Variants in OTUD7A observed in about 807,000 individuals in gnomAD.
OTUD7A encodes OTU domain-containing protein 7A.
Under a neutral mutation model 65.7 loss-of-function variants are expected in OTUD7A, and 12 were observed. The observed-to-expected ratio is 0.18, with a 90% CI of 0.12 to 0.30. The LOEUF (loss-of-function observed/expected upper bound fraction) is 0.30. OTUD7A is among the 10% of genes least tolerant of loss of function. The pLI is 1.00. For missense variants in OTUD7A, 1,148 were observed against 1,304.8 expected (o/e 0.88, Z 1.85); for synonymous variants, 641 against 586.3 (o/e 1.09, Z -1.35).
chr15:31,552,898 T>A (rs1888370516), intron 5 of OTUD7A, among the ~76,000 whole-genome samples: 2 of 152,134 alleles, frequency 1.3e-5, no homozygotes, highest in Non-Finnish European at 1.5e-5. Flanking sequence ...CAAGGAATGG[T>A]CCCAGGTAGC....
chr15:31,805,301 G>A (rs1896239914), intron 1 of OTUD7A, among the ~76,000 whole-genome samples: 1 of 152,226 alleles, frequency 6.6e-6, no homozygotes, highest in African/African-American at 2.4e-5. Flanking sequence ...TAGAGAGCTG[G>A]ACAATTTGGC....
At position 31,654,989 on chromosome 15, in the gene OTUD7A, G is replaced by C; in HGVS notation, c.151+107C>G. ...TCGGTAAGATGTAACACAAAGCAAA[G>C]CCCACTTAGTGCTCAAGTACCACTG... is the stretch of plus-strand genomic sequence containing the variant. On this transcript the variant is annotated intron_variant, in intron 3 of 12. Transcript: ENST00000307050. The C allele has an allele frequency of 2.9e-6, 4 of 1,356,334 alleles. No individual in the cohort carries two copies. In the South Asian group the frequency reaches 6.3e-5, roughly 21 times the overall value. 84.0% of individuals were successfully genotyped at this position (1,356,334 alleles called of 1,614,324 possible). A position where few individuals can be genotyped will look rare whatever the true frequency, so the allele number is the denominator to read the frequency against.
chr15:31,642,937 T>A (rs1012402719), intron 3 of OTUD7A, among the ~76,000 whole-genome samples: 38 of 151,908 alleles, frequency 2.5e-4, no homozygotes, highest in African/African-American at 8.7e-4. Context: ...AATTTGCTCT[T>A]TTTTTTTCTA....
At chr15:31,787,080 C>G (rs1895693629) in intron 1 of OTUD7A, among the ~76,000 whole-genome samples, 1 of 152,216 alleles carries the variant, frequency 6.6e-6, no homozygotes, top group Non-Finnish European at 1.5e-5. Flanking sequence ...GATGTGGCCA[C>G]AGACGAGGCT....
intron 8 of OTUD7A, among the ~76,000 whole-genome samples, chr15:31,524,798 A>G (rs1346930449): frequency 6.6e-6 from 1 of 152,160 alleles, no homozygotes; most frequent in Non-Finnish European, 1.5e-5. Flanking sequence ...AAAGGGACCT[A>G]ATCCTTTTGT....
intron 1 of OTUD7A, among the ~76,000 whole-genome samples, chr15:31,853,248 C>T (rs1460528975): frequency 6.6e-6 from 1 of 152,226 alleles, no homozygotes; most frequent in Non-Finnish European, 1.5e-5. Context: ...CCAAAGATTA[C>T]AAGCAAAACC....
intron 8 of OTUD7A, among the ~76,000 whole-genome samples, chr15:31,513,840 T>A (rs910225295): frequency 6.6e-6 from 1 of 152,204 alleles, no homozygotes; most frequent in Non-Finnish European, 1.5e-5. Context: ...CTTGAACCTA[T>A]GCAAATACTC....
At chr15:31,852,795 G>A (rs1164290226) in intron 1 of OTUD7A, among the ~76,000 whole-genome samples, 1 of 152,200 alleles carries the variant, frequency 6.6e-6, no homozygotes, top group African/African-American at 2.4e-5. Context: ...TTATCACTTA[G>A]AAATTACAGC....
At chr15:31,614,050 A>G (rs950356056) in intron 3 of OTUD7A, among the ~76,000 whole-genome samples, 1 of 152,224 alleles carries the variant, frequency 6.6e-6, no homozygotes, top group East Asian at 1.9e-4. Context: ...TAACTCAGGA[A>G]TGAAAAACCA....
At chr15:31,637,553 T>C (rs948865120) in intron 3 of OTUD7A, among the ~76,000 whole-genome samples, 53 of 152,256 alleles carry the variant, frequency 3.5e-4, no homozygotes, top group Admixed American at 2.0e-3. Flanking sequence ...CAACTCTTAT[T>C]ACTTAAGAAA....
chr15:31,507,412 G>A (rs1009001624), intron 8 of OTUD7A, among the ~76,000 whole-genome samples: 13 of 152,074 alleles, frequency 8.5e-5, no homozygotes, highest in Non-Finnish European at 8.8e-5. Context: ...AAAGGACGTC[G>A]TTCCATTTAT....
At chr15:31,506,191 T>C (rs892029875) in intron 8 of OTUD7A, among the ~76,000 whole-genome samples, 5 of 152,008 alleles carry the variant, frequency 3.3e-5, no homozygotes, top group Non-Finnish European at 7.4e-5. Flanking sequence ...GGAATAAAGG[T>C]ACAATATTGA....
At chr15:31,644,564 C>A (rs71401629) in intron 3 of OTUD7A, among the ~76,000 whole-genome samples, 40,284 of 151,830 alleles carry the variant, frequency 0.27, 5,961 homozygotes, top group African/African-American at 0.39. Context: ...TAACCTCGAA[C>A]TCTTGGGCTC....
intron 1 of OTUD7A, among the ~76,000 whole-genome samples, chr15:31,858,094 A>G (rs1425673714): frequency 6.6e-6 from 1 of 152,202 alleles, no homozygotes; most frequent in Non-Finnish European, 1.5e-5. Context: ...TCCTGCCAAG[A>G]TAAAATAACA....
intron 1 of OTUD7A, among the ~76,000 whole-genome samples, chr15:31,790,144 T>C (rs893160817): frequency 3.9e-5 from 6 of 152,214 alleles, no homozygotes; most frequent in African/African-American, 9.7e-5. Flanking sequence ...TCACACTTCC[T>C]AGATGTGTCA....
chr15:31,673,039 T>G (rs1240483049), intron 1 of OTUD7A, among the ~76,000 whole-genome samples: 5 of 152,216 alleles, frequency 3.3e-5, no homozygotes, highest in Non-Finnish European at 7.4e-5. Context: ...TCATAAAAAC[T>G]ACAGATGCTC....
chr15:31,793,087 C>G, intron 1 of OTUD7A, among the ~76,000 whole-genome samples: 1 of 152,210 alleles, frequency 6.6e-6, no homozygotes, highest in East Asian at 1.9e-4. Flanking sequence ...GCACACACAG[C>G]ACTCAGGAGA....
chr15:31,808,919 A>C (rs1896350322), intron 1 of OTUD7A, among the ~76,000 whole-genome samples: 1 of 152,172 alleles, frequency 6.6e-6, no homozygotes, highest in Non-Finnish European at 1.5e-5. Flanking sequence ...TTCCTTTTAC[A>C]TTGTCTAATC....
intron 1 of OTUD7A, among the ~76,000 whole-genome samples, chr15:31,838,692 C>A (rs995249583): frequency 6.7e-6 from 1 of 148,832 alleles, no homozygotes; most frequent in Middle Eastern, 3.2e-3. Flanking sequence ...TCTTGAGGGA[C>A]CCCCATTACT....
Sources: gnomAD v4.1 joint callset for allele counts (sites outside exome capture counted in the v4.1 genomes callset) on GRCh38, gnomAD v4.1.1 for gene constraint, MANE v1.5 for transcripts, NCBI Gene and HGNC (gene_info 2026-07-23, HGNC 2026-07-21) for gene names.